AOPEP: variants seen among roughly 807,000 people sequenced by gnomAD.
The protein encoded by AOPEP is aminopeptidase O.
A neutral mutation model predicts 98.1 loss-of-function variants in AOPEP; 77 were observed. The ratio of observed to expected loss-of-function variants is 0.78; its 90% confidence interval spans 0.65 to 0.95. The LOEUF is 0.95. Ranked by LOEUF, AOPEP falls within the 40% of genes least tolerant of loss-of-function variation. The probability of loss-of-function intolerance (pLI) is 0.00; values close to 1 mark genes in which losing one functional copy is unlikely to be tolerated. For synonymous variants in AOPEP, 346 were observed against 365.3 expected, an observed-to-expected ratio of 0.95 and a Z score of 0.60; for missense variants, 1,024 against 1,024.7, an observed-to-expected ratio of 1.00 and a Z score of 0.01.
the AOPEP span, among the ~76,000 whole-genome samples, chr9:95,093,305 T>C: frequency 2.0e-5 from 3 of 152,324 alleles, no homozygotes; most frequent in East Asian, 3.9e-4. Flanking sequence ...TCAGGGCACA[T>C]GCGTCCAGTC....
chr9:95,100,431 G>T, the AOPEP span: 1 of 231,140 alleles, frequency 4.3e-6, no homozygotes, highest in Non-Finnish European at 8.6e-6. Flanking sequence ...TTCTAATCCA[G>T]CAAAACTTTG....
intron 5 of AOPEP, among the ~76,000 whole-genome samples, chr9:94,875,347 G>GAAAAAAAAAAAAAAAAAAAAAAA (rs71366265): frequency 1.4e-5 from 1 of 71,510 alleles, no homozygotes; most frequent in Non-Finnish European, 2.6e-5. Context: ...AATTGAGCAA[G>GAAAAAAAAAAAAAAAAAAAAAAA]AAAAAAAAAA....
intron 2 of AOPEP, among the ~76,000 whole-genome samples, chr9:94,770,390 T>G (rs1840589979): frequency 6.6e-6 from 1 of 152,190 alleles, no homozygotes; most frequent in Non-Finnish European, 1.5e-5. Context: ...GGCTCGGGAA[T>G]CTAGGAGCAG....
At chr9:94,933,299 G>T in intron 7 of AOPEP, 1 of 985,504 alleles carries the variant, frequency 1.0e-6, no homozygotes, top group Non-Finnish European at 1.2e-6. Context: ...AGTGCTTTCA[G>T]TTAGCACACT....
intron 14 of AOPEP, among the ~76,000 whole-genome samples, chr9:95,070,937 G>C (rs2068439355): frequency 6.6e-6 from 1 of 152,210 alleles, no homozygotes; most frequent in African/African-American, 2.4e-5. Flanking sequence ...CTGTCTGCTG[G>C]CTCCAGCATA....
At chr9:95,027,004 G>A (rs984969441) in intron 13 of AOPEP, among the ~76,000 whole-genome samples, 2 of 152,202 alleles carry the variant, frequency 1.3e-5, no homozygotes, top group Admixed American at 6.5e-5. Context: ...GCTCACGCTT[G>A]TAATCCCAGT....
At chr9:95,041,446 G>GGGTGTGTGTGTGTGTGT in intron 13 of AOPEP, among the ~76,000 whole-genome samples, 1 of 142,106 alleles carries the variant, frequency 7.0e-6, no homozygotes, top group Middle Eastern at 3.4e-3. Flanking sequence ...AGTCCTTGGG[G>GGGTGTGTGTGTGTGTGT]GTGTGTGTGT....
intron 7 of AOPEP, among the ~76,000 whole-genome samples, chr9:94,947,696 TC>T (rs936291102): frequency 1.3e-5 from 2 of 152,208 alleles, no homozygotes; most frequent in African/African-American, 4.8e-5. Context: ...TCTCATTTGA[TC>T]CCAAAATGGC....
the AOPEP span, among the ~76,000 whole-genome samples, chr9:95,109,152 T>C: frequency 5.9e-5 from 9 of 152,194 alleles, no homozygotes; most frequent in African/African-American, 1.9e-4. Context: ...ATTCAAGTGA[T>C]ACGGCCACCT....
intron 5 of AOPEP, among the ~76,000 whole-genome samples, chr9:94,920,741 G>T (rs1182756050): frequency 6.6e-6 from 1 of 152,220 alleles, no homozygotes; most frequent in East Asian, 1.9e-4. Context: ...TCTAATCTGG[G>T]TGGGTAGGTA....
At chr9:95,026,051 GC>G (rs1235734129) in intron 13 of AOPEP, among the ~76,000 whole-genome samples, 1 of 152,162 alleles carries the variant, frequency 6.6e-6, no homozygotes, top group Non-Finnish European at 1.5e-5. Context: ...AAATTGAATA[GC>G]AAAATTCTGC....
intron 15 of AOPEP, 151 bp from the exon 16 acceptor site, chr9:95,082,424 A>G: frequency 2.6e-6 from 2 of 777,770 alleles, no homozygotes; most frequent in East Asian, 2.9e-5. Flanking sequence ...TTCCAAAAGC[A>G]CAGTCAGCCC....
chr9:94,782,050 G>A (rs557886243), intron 3 of AOPEP, among the ~76,000 whole-genome samples: 36 of 151,440 alleles, frequency 2.4e-4, no homozygotes, highest in African/African-American at 8.5e-4. Flanking sequence ...AAAATTAGCC[G>A]GGCGTGGTGG....
intron 15 of AOPEP, among the ~76,000 whole-genome samples, chr9:95,081,859 A>C (rs2069826775): frequency 6.6e-6 from 1 of 152,152 alleles, no homozygotes; most frequent in East Asian, 1.9e-4. Flanking sequence ...AGTTTACTCC[A>C]GCGGAATGTA....
chr9:94,943,683 C>A (rs2057282404), intron 7 of AOPEP, among the ~76,000 whole-genome samples: 1 of 151,524 alleles, frequency 6.6e-6, no homozygotes, highest in African/African-American at 2.4e-5. Flanking sequence ...CTTTGGGACG[C>A]TGAGGCGGGC....
chr9:94,793,461 C>T (rs1588242168), intron 4 of AOPEP, among the ~76,000 whole-genome samples: 2 of 152,018 alleles, frequency 1.3e-5, no homozygotes, highest in Non-Finnish European at 1.5e-5. Context: ...GGGTCGATCA[C>T]GAGGTCAGGA....
chr9:94,952,599 T>C (rs927633219), intron 7 of AOPEP, among the ~76,000 whole-genome samples: 6 of 152,212 alleles, frequency 3.9e-5, no homozygotes, highest in Non-Finnish European at 8.8e-5. Context: ...TGGTTGTAGT[T>C]CATCTGCTTT....
chr9:94,819,565 G>A (rs1852515990), intron 5 of AOPEP, among the ~76,000 whole-genome samples: 1 of 152,158 alleles, frequency 6.6e-6, no homozygotes, highest in Non-Finnish European at 1.5e-5. Flanking sequence ...AAGACACTTT[G>A]CAAACGGGAT....
chr9:95,121,788 G>A, the AOPEP span, among the ~76,000 whole-genome samples: 2 of 151,852 alleles, frequency 1.3e-5, no homozygotes, highest in African/African-American at 2.4e-5. Flanking sequence ...ACAAAACATT[G>A]TTTAGGCAGT....
Sources: allele counts gnomAD v4.1 joint callset (sites outside exome capture counted in the v4.1 genomes callset), GRCh38; gene constraint gnomAD v4.1.1; transcripts MANE v1.5; gene names NCBI Gene and HGNC (gene_info 2026-07-23, HGNC 2026-07-21).